The following SLC9D1 variants were observed in gnomAD, a reference collection of about 807,000 sequenced individuals.
SLC9D1 encodes the protein putative LAG1-interacting protein.
At chr13:113,550,217 CTG>C in the SLC9D1 span, 1 of 151,712 alleles carries the variant, frequency 6.6e-6, no homozygotes, top group Non-Finnish European at 1.5e-5. Context: ...TTATTAAAAT[CTG>C]TTTTTATTAA....
the SLC9D1 span, among the ~76,000 whole-genome samples, chr13:113,500,956 C>G: frequency 6.6e-6 from 1 of 152,138 alleles, no homozygotes; most frequent in Non-Finnish European, 1.5e-5. Context: ...TTCTTTCTCC[C>G]TTTGTAATGA....
At chr13:113,513,295 G>A in the SLC9D1 span, among the ~76,000 whole-genome samples, 37 of 152,296 alleles carry the variant, frequency 2.4e-4, no homozygotes, top group South Asian at 6.4e-3. Context: ...CATTTCTGAT[G>A]TGCAAAGACC....
the SLC9D1 span, among the ~76,000 whole-genome samples, chr13:113,492,826 A>T: frequency 3.9e-5 from 6 of 152,114 alleles, no homozygotes; most frequent in African/African-American, 1.2e-4. Flanking sequence ...TGAACCCGGG[A>T]GGCAAAGGTT....
the SLC9D1 span, chr13:113,495,656 C>A: frequency 1.2e-6 from 2 of 1,601,548 alleles, no homozygotes; most frequent in Non-Finnish European, 1.7e-6. Context: ...CTGTGGAGCA[C>A]GAGGAGGTGG....
At chr13:113,537,667 G>T in the SLC9D1 span, among the ~76,000 whole-genome samples, 1 of 152,134 alleles carries the variant, frequency 6.6e-6, no homozygotes, top group Non-Finnish European at 1.5e-5. Flanking sequence ...TGAAAGATCC[G>T]CCTGCCCCTG....
chr13:113,547,418 G>C, the SLC9D1 span: 2 of 1,517,168 alleles, frequency 1.3e-6, no homozygotes, highest in African/African-American at 1.4e-5. Flanking sequence ...GCAGTTTGCA[G>C]GCTCAGCATA....
the SLC9D1 span, among the ~76,000 whole-genome samples, chr13:113,545,342 G>C: frequency 2.6e-5 from 4 of 152,234 alleles, no homozygotes; most frequent in African/African-American, 9.6e-5. Flanking sequence ...TGTGGAGCCG[G>C]TGGGGCCCAG....
chr13:113,495,481 G>A, the SLC9D1 span: 7 of 801,354 alleles, frequency 8.7e-6, no homozygotes, highest in South Asian at 1.3e-4. Flanking sequence ...TTAACTATGT[G>A]TGACAATAAC....
At chr13:113,493,022 A>G in the SLC9D1 span, among the ~76,000 whole-genome samples, 2 of 152,234 alleles carry the variant, frequency 1.3e-5, no homozygotes, top group African/African-American at 4.8e-5. Flanking sequence ...AGTCAGTAGG[A>G]TTTTGGAGGC....
chr13:113,501,994 C>A, the SLC9D1 span: 1 of 838,294 alleles, frequency 1.2e-6, no homozygotes, highest in Non-Finnish European at 1.9e-6. Flanking sequence ...TCGTATAAAC[C>A]ATTTCAAAGA....
At chr13:113,525,054 A>G in the SLC9D1 span, among the ~76,000 whole-genome samples, 1 of 152,174 alleles carries the variant, frequency 6.6e-6, no homozygotes, top group Non-Finnish European at 1.5e-5. Flanking sequence ...TGCTCTGGGT[A>G]TCACAGTGGA....
At chr13:113,513,169 G>A in the SLC9D1 span, among the ~76,000 whole-genome samples, 1 of 152,150 alleles carries the variant, frequency 6.6e-6, no homozygotes, top group African/African-American at 2.4e-5. Flanking sequence ...GATAGGACAC[G>A]TCTCCTCGGC....
the SLC9D1 span, chr13:113,510,479 CT>C: frequency 6.5e-7 from 1 of 1,543,006 alleles, no homozygotes; most frequent in Non-Finnish European, 8.8e-7. Flanking sequence ...GTGTAGGTGA[CT>C]TTTGGATTCA....
chr13:113,547,399 A>G, the SLC9D1 span: 1 of 1,596,422 alleles, frequency 6.3e-7, no homozygotes, highest in Non-Finnish European at 8.6e-7. Flanking sequence ...GGAAGGGTCC[A>G]CGCCCCTCGC....
the SLC9D1 span, chr13:113,528,840 C>A: frequency 6.6e-6 from 1 of 152,246 alleles, no homozygotes; most frequent in African/African-American, 2.4e-5. Context: ...GGAATCAGTT[C>A]TTATTCCTTC....
chr13:113,512,234 C>T, the SLC9D1 span, among the ~76,000 whole-genome samples: 1,175 of 138,308 alleles, frequency 8.5e-3, 19 homozygotes, highest in Non-Finnish European at 0.013. Flanking sequence ...CTCGGAGTCG[C>T]GGGGGCCGGG....
At chr13:113,520,580 G>A in the SLC9D1 span, 3 of 1,491,482 alleles carry the variant, frequency 2.0e-6, no homozygotes, top group African/African-American at 1.4e-5. Flanking sequence ...CTTTTGAGTT[G>A]TCGTAGACCT....
the SLC9D1 span, chr13:113,501,866 C>T: frequency 6.2e-7 from 1 of 1,610,332 alleles, no homozygotes; most frequent in South Asian, 1.1e-5. Flanking sequence ...ACCTTCAGGA[C>T]TAAATAGTAT....
chr13:113,500,001 A>G, the SLC9D1 span: 6 of 1,569,868 alleles, frequency 3.8e-6, no homozygotes, highest in Non-Finnish European at 4.3e-6. Flanking sequence ...GTGGAGGAAG[A>G]AGAGGCCAAT....
Sources: allele counts gnomAD v4.1 joint callset (sites outside exome capture counted in the v4.1 genomes callset), GRCh38; gene constraint gnomAD v4.1.1; transcripts MANE v1.5; gene names NCBI Gene and HGNC (gene_info 2026-07-23, HGNC 2026-07-21).